CNTN4: variants seen among roughly 807,000 people sequenced by gnomAD.
CNTN4 encodes contactin 4, also known as contactin-4.
CNTN4 carries 77 observed loss-of-function variants against 122.5 expected under a neutral mutation model. The observed-to-expected ratio is 0.63, with a 90% confidence interval of 0.52 to 0.76. The LOEUF (loss-of-function observed/expected upper bound fraction) is 0.76, where lower values mean the gene tolerates loss of function less well. Among genes scored for constraint, CNTN4 ranks in the 30% least tolerant of loss-of-function variants. The pLI is 0.00. For synonymous variants in CNTN4, 512 were observed against 447.0 expected (o/e 1.15, Z -1.83); for missense variants, 1,256 against 1,259.1 (o/e 1.00, Z 0.04).
At chr3:2,623,970 T>C (rs2082086189) in intron 4 of CNTN4, among the ~76,000 whole-genome samples, 1 of 152,208 alleles carries the variant, frequency 6.6e-6, no homozygotes, top group African/African-American at 2.4e-5. Context: ...CAATTATTAA[T>C]GAGATAATCA....
chr3:2,459,405 T>C (rs913520974), intron 3 of CNTN4, among the ~76,000 whole-genome samples: 3 of 152,150 alleles, frequency 2.0e-5, no homozygotes, highest in African/African-American at 7.2e-5. Context: ...GCACAGGTCA[T>C]ATAGGGATCA....
intron 3 of CNTN4, among the ~76,000 whole-genome samples, chr3:2,558,428 C>G (rs976447836): frequency 6.6e-6 from 1 of 152,132 alleles, no homozygotes; most frequent in Admixed American, 6.5e-5. Context: ...TTGAAAACTA[C>G]TAGTCAATCT....
In CNTN4 at chr3:2,846,305, A is replaced by C. The variant is rs181255553; in HGVS notation, c.455-20447A>C. Among the ~76,000 whole-genome samples the C allele has an allele frequency of 9.0e-3, 1,376 of 152,252 alleles. 10 individuals carry two copies. The highest frequency in any genetic ancestry group is 0.013 in the Non-Finnish European group (875 of 67,998). ...CATGCTGTTCTCATGATAGTGAGTG[A>C]ATTCTCATGAGATCTGATGGTTTTA... is the stretch of plus-strand genomic sequence containing the variant. On this transcript the variant is annotated intron_variant, in intron 7 of 24. Transcript: ENST00000418658.
intron 18 of CNTN4, chr3:3,037,535 G>T: frequency 1.6e-6 from 1 of 644,246 alleles, no homozygotes; most frequent in South Asian, 1.7e-5. Flanking sequence ...TTCTTCATTA[G>T]GTCCACTTGT....
intron 4 of CNTN4, among the ~76,000 whole-genome samples, chr3:2,713,509 A>G (rs530634846): frequency 1.2e-4 from 18 of 152,320 alleles, no homozygotes; most frequent in African/African-American, 3.6e-4. Context: ...TTCTCCTTAG[A>G]GTCTCTACCT....
chr3:2,722,410 C>T (rs956094526), intron 4 of CNTN4, among the ~76,000 whole-genome samples: 1 of 152,062 alleles, frequency 6.6e-6, no homozygotes, highest in Non-Finnish European at 1.5e-5. Flanking sequence ...ACTTAGTTGA[C>T]ATGTTTCTCA....
intron 2 of CNTN4, among the ~76,000 whole-genome samples, chr3:2,188,787 A>G (rs1046411332): frequency 1.3e-4 from 20 of 152,194 alleles, no homozygotes; most frequent in Non-Finnish European, 2.2e-4. Flanking sequence ...TTTAGCCTGC[A>G]TTAGTATTTG....
At chr3:3,000,447 C>G (rs1016929937) in intron 14 of CNTN4, among the ~76,000 whole-genome samples, 3 of 152,144 alleles carry the variant, frequency 2.0e-5, no homozygotes, top group Admixed American at 6.5e-5. Flanking sequence ...ATATCAAACT[C>G]TATGTGACAT....
chr3:2,829,163 C>T (rs77937731), intron 7 of CNTN4, among the ~76,000 whole-genome samples: 1,645 of 152,174 alleles, frequency 0.011, 27 homozygotes, highest in African/African-American at 0.038. Flanking sequence ...TTCTCTTCCC[C>T]GTTTGCCAAT....
At chr3:2,362,700 A>T in intron 3 of CNTN4, 1 of 346,698 alleles carries the variant, frequency 2.9e-6, no homozygotes. Flanking sequence ...TGACCTGCAC[A>T]TTCACTTACT....
At chr3:2,321,621 T>C (rs2043279290) in intron 2 of CNTN4, among the ~76,000 whole-genome samples, 1 of 152,114 alleles carries the variant, frequency 6.6e-6, no homozygotes, top group South Asian at 2.1e-4. Context: ...TTATTCTCTT[T>C]TCATACTTAG....
At chr3:2,735,047 C>T (rs1395380343) in intron 4 of CNTN4, among the ~76,000 whole-genome samples, 1 of 152,138 alleles carries the variant, frequency 6.6e-6, no homozygotes, top group Non-Finnish European at 1.5e-5. Flanking sequence ...TACCACTGTA[C>T]TTGGTACCAC....
chr3:2,105,689 T>G (rs900670676), intron 2 of CNTN4, among the ~76,000 whole-genome samples: 1 of 152,108 alleles, frequency 6.6e-6, no homozygotes, highest in African/African-American at 2.4e-5. Flanking sequence ...ATTGATGAGA[T>G]TTGCGTGGAG....
intron 3 of CNTN4, among the ~76,000 whole-genome samples, chr3:2,463,247 CTG>C (rs1028712181): frequency 6.6e-6 from 1 of 150,798 alleles, no homozygotes; most frequent in African/African-American, 2.4e-5. Context: ...ACTAATAAAA[CTG>C]TAAAATAAGA....
rs148501990 is a variant in CNTN4 at position 2,846,353 on chromosome 3, G to A, written c.455-20399G>A. 3.3e-3 allele frequency among the ~76,000 whole-genome samples: 509 copies of A among 152,104 alleles called. 3 individuals are homozygous for A. Among genetic ancestry groups the A allele is most frequent in the African/African-American group, 0.011 (468 of 41,504 alleles). ...TTATAAGGGGCTTTCCCCTTCCTTC[G>A]CTTTCATTGTCCTTCCTGCCACCAT... On this transcript the variant is annotated intron_variant, in intron 7 of 24. Coordinates refer to ENST00000418658, the MANE Select transcript of CNTN4 (RefSeq NM_175607.3).
chr3:2,717,160 C>T (rs78161556), intron 4 of CNTN4, among the ~76,000 whole-genome samples: 5,829 of 152,242 alleles, frequency 0.038, 154 homozygotes, highest in Non-Finnish European at 0.056. Context: ...GACTGCTGCG[C>T]TTTGAAAAGC....
chr3:2,172,864 G>C (rs919672655), intron 2 of CNTN4, among the ~76,000 whole-genome samples: 1 of 152,162 alleles, frequency 6.6e-6, no homozygotes, highest in Non-Finnish European at 1.5e-5. Flanking sequence ...ATGAGAAAGA[G>C]AGATTGTGAA....
intron 3 of CNTN4, among the ~76,000 whole-genome samples, chr3:2,564,034 C>T (rs1251183692): frequency 6.6e-6 from 1 of 152,028 alleles, no homozygotes; most frequent in Non-Finnish European, 1.5e-5. Context: ...TTGTGTATTC[C>T]TGTCTGTCAT....
intron 4 of CNTN4, among the ~76,000 whole-genome samples, chr3:2,675,354 C>T (rs534216902): frequency 8.5e-4 from 130 of 152,212 alleles, no homozygotes; most frequent in African/African-American, 3.1e-3. Flanking sequence ...TTTCCCCAGA[C>T]TTTAACATGC....
Sources: gnomAD v4.1 joint callset for allele counts (sites outside exome capture counted in the v4.1 genomes callset) on GRCh38, gnomAD v4.1.1 for gene constraint, MANE v1.5 for transcripts, NCBI Gene and HGNC (gene_info 2026-07-23, HGNC 2026-07-21) for gene names.